NKTR: variants seen among roughly 807,000 people sequenced by gnomAD.
The protein encoded by NKTR is NK-tumor recognition protein.
Under a neutral mutation model 156.3 loss-of-function variants are expected in NKTR, and 67 were observed. The ratio of observed to expected loss-of-function variants is 0.43; its 90% CI spans 0.35 to 0.53. NKTR has a LOEUF of 0.53. NKTR is among the 20% of genes least tolerant of loss of function. NKTR has a pLI of 0.01. For missense variants in NKTR, 1,604 were observed against 1,730.9 expected, an observed-to-expected ratio of 0.93 and a Z score of 1.30; for synonymous variants, 640 against 596.6, an observed-to-expected ratio of 1.07 and a Z score of -1.06.
At position 42,637,249 on chromosome 3, in the gene NKTR, C is replaced by T. The variant is rs777297978; in HGVS notation, c.1545C>T (p.Ser515=). ...KDVQSSLTHS[S]RDSYRSKSHS... ...TCCAGAGCTCTTTAACCCATTCCAG[C>T]AGAGACTCATACAGATCAAAATCTC... The change falls in exon 13 of 17, where the codon AGC becomes AGT. Residue 515 remains serine, a synonymous_variant. Transcript: ENST00000232978. 6 of 1,612,154 alleles carry T rather than the reference C, an allele frequency of 3.7e-6. No homozygotes were observed. The highest frequency in any genetic ancestry group is 5.1e-6 in the Non-Finnish European group (6 of 1,179,388).
At chr3:42,633,803 T>C in intron 10 of NKTR, 68 bp downstream of exon 10, 1 of 1,551,438 alleles carries the variant, frequency 6.4e-7, no homozygotes, top group African/African-American at 1.4e-5. Context: ...CTCATTGCAT[T>C]CCACACTCAT....
chr3:42,630,008 C>A (rs1354612209), intron 6 of NKTR: 8 of 985,378 alleles, frequency 8.1e-6, no homozygotes, highest in Non-Finnish European at 9.6e-6. Context: ...GGAAGATGGG[C>A]AGGAATTCTG....
intron 12 of NKTR, 141 bp from the exon 13 acceptor site, chr3:42,636,727 G>A: frequency 8.5e-7 from 1 of 1,171,254 alleles, no homozygotes; most frequent in Admixed American, 2.9e-5. Flanking sequence ...AACAAGACCA[G>A]GCCTATAACT....
rs771278157 is a variant in NKTR, at chr3:42,638,171, C to A, written c.2467C>A (p.Gln823Lys). ...QSSVQATQSAQEKEKQGQMER... is the reference protein window; with the variant it reads ...QSSVQATQSAKEKEKQGQMER... ...AAGTGTTCAGGCCACACAGTCAGCC[C>A]AGGAAAAAGAGAAGCAGGGCCAAAT... The change falls in exon 13 of 17, where the codon CAG becomes AAG. Residue 823 changes from glutamine to lysine, a missense_variant. Gln to Lys is a moderately conservative substitution (Grantham distance 53). Transcript: ENST00000232978. 1 of 1,611,790 alleles carries A rather than the reference C, an allele frequency of 6.2e-7. No homozygotes were observed. Among genetic ancestry groups the A allele is most frequent in the South Asian group, 1.1e-5 (1 of 90,628 alleles).
chr3:42,640,161 CAA>C (rs1384027341), intron 13 of NKTR, among the ~76,000 whole-genome samples: 1 of 152,166 alleles, frequency 6.6e-6, no homozygotes, highest in Non-Finnish European at 1.5e-5. Context: ...GCCAGAGAGA[CAA>C]AGTTACCTGC....
rs528264713 is a variant in NKTR at position 42,646,057 on chromosome 3, A to C, written c.*82A>C. 3.0e-6 allele frequency: 3 copies of C among 993,688 alleles called. No homozygotes were observed. The highest frequency in any genetic ancestry group is 4.7e-6 in the Non-Finnish European group (3 of 643,428). 61.6% of individuals were successfully genotyped at this position (993,688 alleles called of 1,614,324 possible). On this transcript the variant is annotated 3_prime_UTR_variant, in exon 17 of 17. Transcript: ENST00000232978. ...AAATGTAATGACAGTCTGTTGTTCT[A>C]TTTCAATATCAGAGGTGAATTTCAA...
chr3:42,627,693 G>A, intron 6 of NKTR: 6 of 983,998 alleles, frequency 6.1e-6, no homozygotes, highest in Non-Finnish European at 7.2e-6. Flanking sequence ...AAGTACAAGA[G>A]AAAAATGGAA....
At chr3:42,636,815 G>A (rs565836411) in intron 12 of NKTR, 53 bp from the exon 13 acceptor site, 1 of 1,514,876 alleles carries the variant, frequency 6.6e-7, no homozygotes, top group South Asian at 1.4e-5. Context: ...GTGTCTTAAG[G>A]TGTAGAAAAC....
chr3:42,635,057 T>TAA (rs58779310), intron 11 of NKTR, 164 bp from the exon 12 acceptor site: 157 of 286,572 alleles, frequency 5.5e-4, no homozygotes, highest in Middle Eastern at 1.0e-3. Flanking sequence ...AGTTAAAAAC[T>TAA]AAAAAAAAAA....
At chr3:42,627,773 T>G in intron 6 of NKTR, 2 of 983,212 alleles carry the variant, frequency 2.0e-6, no homozygotes, top group Non-Finnish European at 2.4e-6. Context: ...AGGTATGTTT[T>G]CATAAGCATA....
chr3:42,620,163 GA>G, intron 5 of NKTR: 3 of 1,359,568 alleles, frequency 2.2e-6, no homozygotes, highest in Non-Finnish European at 2.8e-6. Flanking sequence ...TGAAGACTTG[GA>G]AAATTCTGTG....
intron 9 of NKTR, chr3:42,633,305 G>C: frequency 9.1e-7 from 1 of 1,100,784 alleles, no homozygotes; most frequent in Non-Finnish European, 1.1e-6. Flanking sequence ...GACCCCTAAA[G>C]TACTGGGATT....
In NKTR at chr3:42,628,032, C is replaced by T. The variant is rs191455865; in HGVS notation, c.375-2514C>T. 9.1e-6 allele frequency: 9 copies of T among 985,224 alleles called. No homozygotes were observed. In the Admixed American group the frequency reaches 3.7e-4, roughly 40 times the overall value. 61.0% of individuals were successfully genotyped at this position (985,224 alleles called of 1,614,324 possible). On this transcript the variant is annotated intron_variant, in intron 6 of 16. Transcript: ENST00000232978. ...TTGGCTAATGTCCTCTGTTCATCCACGTATTAGCCAAGTGCCAGTAACCCT... is the reference window on the plus strand; with the variant it reads ...TTGGCTAATGTCCTCTGTTCATCCATGTATTAGCCAAGTGCCAGTAACCCT...
Position 42,639,466 on chromosome 3 carries a change from G to A in NKTR, c.3762G>A (p.Val1254=). The stretch of plus-strand genomic sequence containing the variant: ...TGGAAGTTAAGGTGTTGACCACTGT[G>A]CCTGAAATGAAACCACAAGGCTTGA... ...SAVEVKVLTT[V]PEMKPQGLRI... Residue 1254 remains valine (V), a synonymous_variant, in exon 13 of 17, where the codon GTG becomes GTA. Coordinates refer to ENST00000232978, the MANE Select transcript of NKTR (RefSeq NM_005385.4). 1 of 1,614,218 alleles carries A rather than the reference G, an allele frequency of 6.2e-7. No individual in the cohort carries two copies. The highest frequency in any genetic ancestry group is 1.1e-5 in the South Asian group (1 of 91,086).
intron 4 of NKTR, chr3:42,619,330 G>A (rs1707696171): frequency 7.6e-7 from 1 of 1,312,350 alleles, no homozygotes; most frequent in Admixed American, 3.6e-5. Flanking sequence ...TTGTTTTTAT[G>A]CAGTTTATTT....
At chr3:42,620,793 T>G in intron 5 of NKTR, 3 of 985,218 alleles carry the variant, frequency 3.0e-6, no homozygotes, top group Non-Finnish European at 3.6e-6. Flanking sequence ...TAGGCCACTT[T>G]GTGGTTGTTC....
chr3:42,630,208 T>C, intron 6 of NKTR: 1 of 1,081,916 alleles, frequency 9.2e-7, no homozygotes, highest in Non-Finnish European at 1.1e-6. Flanking sequence ...TTAAGTGTTT[T>C]GTTTTGTTGT....
intron 9 of NKTR, 124 bp from the exon 10 acceptor site, chr3:42,633,456 C>G (rs1278363805): frequency 1.5e-5 from 22 of 1,432,628 alleles, no homozygotes; most frequent in Non-Finnish European, 2.0e-5. Context: ...AATCATATAA[C>G]TCTTTTGAGT....
At chr3:42,623,128 C>G (rs749921363) in intron 6 of NKTR, among the ~76,000 whole-genome samples, 1 of 151,696 alleles carries the variant, frequency 6.6e-6, no homozygotes, top group Non-Finnish European at 1.5e-5. Context: ...TTAGTACTTG[C>G]TTCAGTGTTT....
Sources: gnomAD v4.1 joint callset for allele counts (sites outside exome capture counted in the v4.1 genomes callset) on GRCh38, gnomAD v4.1.1 for gene constraint, MANE v1.5 for transcripts, NCBI Gene and HGNC (gene_info 2026-07-23, HGNC 2026-07-21) for gene names.